Variants in CCDC171 observed in about 807,000 individuals in gnomAD.
CCDC171 encodes the protein coiled-coil domain containing 171.
In CCDC171, 177 loss-of-function variants were observed where a neutral mutation model predicts 168.2. The ratio of observed to expected loss-of-function variants is 1.05; its 90% CI spans 0.93 to 1.19. CCDC171 has a LOEUF of 1.19. Among genes scored for constraint, CCDC171 ranks in the 50% most tolerant of loss-of-function variants. The pLI, the probability that CCDC171 is intolerant of heterozygous loss-of-function variation, is 0.00. For missense variants in CCDC171, 1,991 were observed against 1,539.0 expected (o/e 1.29, Z -4.91); for synonymous variants, 687 against 540.8 (o/e 1.27, Z -3.75).
chr9:16,082,909 G>C, the CCDC171 span, among the ~76,000 whole-genome samples: 3 of 152,162 alleles, frequency 2.0e-5, no homozygotes, highest in African/African-American at 4.8e-5. Context: ...TGAGGACATG[G>C]TCCACTCCAA....
At chr9:15,992,758 T>A (rs28879807) in intron 3 of CCDC171, among the ~76,000 whole-genome samples, 11,790 of 152,122 alleles carry the variant, frequency 0.078, 1,504 homozygotes, top group African/African-American at 0.27. Flanking sequence ...TCAGGATACA[T>A]AATCAATGTG....
downstream of CCDC171, among the ~76,000 whole-genome samples, chr9:16,062,999 C>A (rs1035110724): frequency 6.6e-6 from 1 of 152,106 alleles, no homozygotes; most frequent in African/African-American, 2.4e-5. Flanking sequence ...AGAAAGTATG[C>A]TCCTTGGAGT....
intron 23 of CCDC171, among the ~76,000 whole-genome samples, chr9:15,868,002 T>C (rs1203884967): frequency 1.3e-5 from 2 of 152,074 alleles, no homozygotes; most frequent in African/African-American, 4.8e-5. Context: ...GATAATTTGA[T>C]TTGAATAGTC....
chr9:16,079,615 A>G, the CCDC171 span, among the ~76,000 whole-genome samples: 1 of 152,218 alleles, frequency 6.6e-6, no homozygotes, highest in African/African-American at 2.4e-5. Context: ...CCTGGAGCCG[A>G]TTCTTTCTGG....
chr9:15,576,826 T>C (rs1270628628), intron 3 of CCDC171, among the ~76,000 whole-genome samples: 2 of 152,172 alleles, frequency 1.3e-5, no homozygotes, highest in Admixed American at 1.3e-4. Context: ...CATTTTTCCT[T>C]CTGTAGCATA....
chr9:15,968,920 A>T (rs377502445), intron 25 of CCDC171, among the ~76,000 whole-genome samples: 94 of 152,308 alleles, frequency 6.2e-4, no homozygotes, highest in African/African-American at 2.2e-3. Flanking sequence ...CTAGCAGTAC[A>T]GCAGATGATC....
At chr9:15,798,639 A>G (rs1013610606) in intron 21 of CCDC171, among the ~76,000 whole-genome samples, 1 of 152,162 alleles carries the variant, frequency 6.6e-6, no homozygotes, top group African/African-American at 2.4e-5. Context: ...AGTGTAGCCC[A>G]CTGTCCATAT....
At chr9:15,946,491 C>A (rs954096367) in intron 25 of CCDC171, among the ~76,000 whole-genome samples, 2 of 151,938 alleles carry the variant, frequency 1.3e-5, no homozygotes, top group Admixed American at 6.6e-5. Flanking sequence ...TCAAGTAGAA[C>A]TACAAACCAC....
At chr9:15,730,534 G>T (rs1424360220) in intron 16 of CCDC171, among the ~76,000 whole-genome samples, 2 of 151,676 alleles carry the variant, frequency 1.3e-5, no homozygotes, top group African/African-American at 4.8e-5. Flanking sequence ...GAACCAGAAG[G>T]TTGTATATTC....
intron 11 of CCDC171, among the ~76,000 whole-genome samples, chr9:15,714,404 T>A (rs2134080516): frequency 6.6e-6 from 1 of 152,244 alleles, no homozygotes; most frequent in South Asian, 2.1e-4. Context: ...GGAGAATAAC[T>A]ATGGGGTGGG....
chr9:15,852,496 A>ATG (rs2061172887), intron 23 of CCDC171, among the ~76,000 whole-genome samples: 1 of 151,684 alleles, frequency 6.6e-6, no homozygotes, highest in Non-Finnish European at 1.5e-5. Flanking sequence ...TATTATATAT[A>ATG]TGAATTGAAA....
intron 21 of CCDC171, among the ~76,000 whole-genome samples, chr9:15,802,118 C>T (rs1351724402): frequency 6.6e-6 from 1 of 151,032 alleles, no homozygotes; most frequent in African/African-American, 2.4e-5. Context: ...GATAAGGTTT[C>T]CTTTTTATTA....
intron 25 of CCDC171, among the ~76,000 whole-genome samples, chr9:15,937,379 A>T (rs1276145576): frequency 1.3e-5 from 2 of 152,026 alleles, no homozygotes; most frequent in Admixed American, 6.6e-5. Context: ...CATAGTGAGA[A>T]AAAAGCTTAT....
chr9:15,714,693 C>T (rs1372062049), intron 11 of CCDC171, among the ~76,000 whole-genome samples: 1 of 152,284 alleles, frequency 6.6e-6, no homozygotes, highest in East Asian at 1.9e-4. Flanking sequence ...GGATTGCTAA[C>T]AGAGACCCAT....
chr9:15,624,302 A>C (rs1395035179), intron 7 of CCDC171, among the ~76,000 whole-genome samples: 1 of 151,830 alleles, frequency 6.6e-6, no homozygotes, highest in Non-Finnish European at 1.5e-5. Context: ...ATATATGACA[A>C]TTTTTTAAAA....
At chr9:15,799,540 A>G (rs2135754676) in intron 21 of CCDC171, among the ~76,000 whole-genome samples, 1 of 152,150 alleles carries the variant, frequency 6.6e-6, no homozygotes, top group Non-Finnish European at 1.5e-5. Flanking sequence ...ATATTTTTAT[A>G]CAGACATTCA....
At chr9:15,664,705 T>G (rs930677057) in intron 8 of CCDC171, among the ~76,000 whole-genome samples, 4 of 148,546 alleles carry the variant, frequency 2.7e-5, no homozygotes, top group Admixed American at 1.3e-4. Flanking sequence ...TTTTTTTTTT[T>G]TTTTTTTTTT....
intron 4 of CCDC171, among the ~76,000 whole-genome samples, chr9:15,581,329 C>A (rs903172701): frequency 6.6e-6 from 1 of 152,108 alleles, no homozygotes; most frequent in Non-Finnish European, 1.5e-5. Flanking sequence ...TAGGAAGAAT[C>A]AATATTGTGA....
chr9:15,733,832 A>G (rs1490000357), intron 16 of CCDC171, among the ~76,000 whole-genome samples: 1 of 152,154 alleles, frequency 6.6e-6, no homozygotes, highest in Non-Finnish European at 1.5e-5. Flanking sequence ...ATGGTGGCAC[A>G]GTCACGGCTC....
Sources: gnomAD v4.1 joint callset for allele counts (sites outside exome capture counted in the v4.1 genomes callset) on GRCh38, gnomAD v4.1.1 for gene constraint, MANE v1.5 for transcripts, NCBI Gene and HGNC (gene_info 2026-07-23, HGNC 2026-07-21) for gene names.